PREX1: variants seen among roughly 807,000 people sequenced by gnomAD.
PREX1 encodes phosphatidylinositol-3,4,5-trisphosphate dependent Rac exchange factor 1.
In PREX1, 41 loss-of-function variants were observed where a neutral mutation model predicts 198.3. The observed-to-expected ratio is 0.21, with a 90% CI of 0.16 to 0.27. The LOEUF is 0.27. Ranked by LOEUF, PREX1 falls within the 10% of genes least tolerant of loss-of-function variation. PREX1 has a pLI of 1.00. For missense variants in PREX1, 1,620 were observed against 2,200.7 expected (o/e 0.74, Z 5.28); for synonymous variants, 843 against 887.2 (o/e 0.95, Z 0.89).
At chr20:48,732,437 A>G (rs2090038447) in intron 4 of PREX1, among the ~76,000 whole-genome samples, 1 of 152,076 alleles carries the variant, frequency 6.6e-6, no homozygotes, top group South Asian at 2.1e-4. Flanking sequence ...ATGCTATGTT[A>G]GTTAATTGTT....
At chr20:48,711,324 G>A (rs574053050) in intron 5 of PREX1, among the ~76,000 whole-genome samples, 44 of 152,218 alleles carry the variant, frequency 2.9e-4, no homozygotes, top group Middle Eastern at 6.8e-3. Context: ...ATATAAGACC[G>A]TGATCTTATG....
chr20:48,721,948 T>A (rs995897672), intron 5 of PREX1, among the ~76,000 whole-genome samples: 1 of 149,026 alleles, frequency 6.7e-6, no homozygotes, highest in African/African-American at 2.5e-5. Flanking sequence ...AGGGGCTGTC[T>A]GCTGAGCTGG....
the PREX1 span, among the ~76,000 whole-genome samples, chr20:48,879,495 T>G: frequency 9.9e-5 from 15 of 152,212 alleles, no homozygotes; most frequent in African/African-American, 3.6e-4. Context: ...TGGAATCCTC[T>G]AGCTCATTCT....
chr20:48,743,561 T>C (rs1285522419), intron 3 of PREX1, among the ~76,000 whole-genome samples: 2 of 152,206 alleles, frequency 1.3e-5, no homozygotes, highest in Non-Finnish European at 2.9e-5. Flanking sequence ...TGTGCTCTTA[T>C]TTGTCCAATT....
intron 23 of PREX1, 100 bp from the exon 24 acceptor site, chr20:48,650,306 C>A: frequency 8.4e-7 from 1 of 1,190,388 alleles, no homozygotes. Flanking sequence ...GGCCAGATGC[C>A]CCACAGTTGG....
At chr20:48,806,489 G>A (rs949169173) in intron 1 of PREX1, among the ~76,000 whole-genome samples, 3 of 152,092 alleles carry the variant, frequency 2.0e-5, no homozygotes, top group Non-Finnish European at 4.4e-5. Context: ...ACATAATTAA[G>A]CATTTATTAT....
At chr20:48,858,014 G>A in the PREX1 span, among the ~76,000 whole-genome samples, 26,089 of 152,274 alleles carry the variant, frequency 0.17, 2,320 homozygotes, top group Non-Finnish European at 0.19. Context: ...GAGCAGAGCA[G>A]ACCTGGGGAG....
chr20:48,674,551 G>C (rs946282745), intron 14 of PREX1, among the ~76,000 whole-genome samples: 2 of 152,154 alleles, frequency 1.3e-5, no homozygotes, highest in African/African-American at 2.4e-5. Context: ...TATTCTTGAG[G>C]ACTCGCTGAA....
intron 1 of PREX1, among the ~76,000 whole-genome samples, chr20:48,753,570 C>T (rs2090143455): frequency 6.6e-6 from 1 of 152,140 alleles, no homozygotes; most frequent in Admixed American, 6.5e-5. Context: ...GTGACAAGGT[C>T]AAGAAATCCT....
At chr20:48,744,451 G>C (rs1043692578) in intron 3 of PREX1, among the ~76,000 whole-genome samples, 3 of 152,168 alleles carry the variant, frequency 2.0e-5, no homozygotes, top group African/African-American at 7.2e-5. Flanking sequence ...TGTGAGGGGG[G>C]TCCCAGGTAG....
intron 1 of PREX1, among the ~76,000 whole-genome samples, chr20:48,769,763 C>A (rs1383167593): frequency 6.6e-6 from 1 of 152,220 alleles, no homozygotes; most frequent in East Asian, 1.9e-4. Flanking sequence ...GTGAAGCCTG[C>A]CCTGCCCACA....
At chr20:48,840,822 TTATG>T in the PREX1 span, among the ~76,000 whole-genome samples, 1 of 152,164 alleles carries the variant, frequency 6.6e-6, no homozygotes, top group Non-Finnish European at 1.5e-5. Flanking sequence ...ATCCCCTTAT[TTATG>T]TATTTATTTA....
chr20:48,782,676 G>C (rs1023298160), intron 1 of PREX1, among the ~76,000 whole-genome samples: 1 of 152,146 alleles, frequency 6.6e-6, no homozygotes, highest in African/African-American at 2.4e-5. Flanking sequence ...CTGAAAGCAT[G>C]ATGAGGAGAC....
intron 16 of PREX1, among the ~76,000 whole-genome samples, chr20:48,659,384 A>T (rs1351049025): frequency 6.7e-6 from 1 of 149,354 alleles, no homozygotes; most frequent in Non-Finnish European, 1.5e-5. Context: ...GAGGGGAGTG[A>T]GAGGTTTAAT....
In PREX1 at chr20:48,636,496, C is replaced by A. The variant is rs1601031361; in HGVS notation, c.4134G>T (p.Leu1378=). The part of the protein sequence containing the change: ...LEQVAATGVL[L]HCQSLLSPAT... Reference sequence around the variant, plus strand: ...CTGGCGAGAGCAGGGACTGGCAGTGCAGCAGGACGCCCGTGGCCGCCACCT... The same window carrying A: ...CTGGCGAGAGCAGGGACTGGCAGTGAAGCAGGACGCCCGTGGCCGCCACCT... The change falls in exon 32 of 40, where the codon CTG becomes CTT. Residue 1378 remains leucine (L), a synonymous_variant. Transcript: ENST00000371941. The A allele has an allele frequency of 2.5e-6, 4 of 1,608,604 alleles. No individual in the cohort carries two copies. In the East Asian group the frequency reaches 6.7e-5, roughly 27 times the overall value.
At chr20:48,661,868 G>C (rs2089599240) in intron 15 of PREX1, among the ~76,000 whole-genome samples, 1 of 152,104 alleles carries the variant, frequency 6.6e-6, no homozygotes, top group Non-Finnish European at 1.5e-5. Flanking sequence ...GTCCAGGCAG[G>C]CCTGTTAGAT....
chr20:48,877,795 C>T, the PREX1 span, among the ~76,000 whole-genome samples: 1 of 151,760 alleles, frequency 6.6e-6, no homozygotes, highest in South Asian at 2.1e-4. Flanking sequence ...GAACAAAAGC[C>T]CAAGTTCTTC....
At chr20:48,705,924 G>C (rs1304279891) in intron 6 of PREX1, among the ~76,000 whole-genome samples, 4 of 152,198 alleles carry the variant, frequency 2.6e-5, no homozygotes, top group Non-Finnish European at 5.9e-5. Context: ...ACTCGAGACA[G>C]GGCAGTCTAT....
chr20:48,687,900 C>A (rs1012350856), intron 10 of PREX1, among the ~76,000 whole-genome samples: 2 of 152,178 alleles, frequency 1.3e-5, no homozygotes, highest in Non-Finnish European at 2.9e-5. Flanking sequence ...AAAGTGGAGG[C>A]TCTGGGCACT....
Sources: gnomAD v4.1 joint callset for allele counts (sites outside exome capture counted in the v4.1 genomes callset) on GRCh38, gnomAD v4.1.1 for gene constraint, MANE v1.5 for transcripts, NCBI Gene and HGNC (gene_info 2026-07-23, HGNC 2026-07-21) for gene names.